Variants in SDK1 observed in about 807,000 individuals in gnomAD.
SDK1 encodes protein sidekick-1.
SDK1 carries 157 observed loss-of-function variants against 245.5 expected under a neutral mutation model. The observed-to-expected ratio is 0.64, with a 90% CI of 0.56 to 0.73. The LOEUF is 0.73. Ranked by LOEUF, SDK1 falls within the 30% of genes least tolerant of loss-of-function variation. The pLI is 0.00. For synonymous variants in SDK1, 1,647 were observed against 1,278.5 expected (o/e 1.29, Z -6.15); for missense variants, 3,583 against 3,002.3 (o/e 1.19, Z -4.52).
At chr7:3,786,471 G>T (rs183201783) in intron 4 of SDK1, among the ~76,000 whole-genome samples, 1 of 152,110 alleles carries the variant, frequency 6.6e-6, no homozygotes, top group Non-Finnish European at 1.5e-5. Flanking sequence ...CCTAGCAACG[G>T]TCATACATTG....
At chr7:4,140,036 A>G (rs1301534117) in intron 28 of SDK1, among the ~76,000 whole-genome samples, 1 of 152,060 alleles carries the variant, frequency 6.6e-6, no homozygotes, top group Non-Finnish European at 1.5e-5. Context: ...TGCCAGGCCC[A>G]CACTCTGGAA....
chr7:4,261,036 C>G (rs1562490670), intron 44 of SDK1, among the ~76,000 whole-genome samples: 1 of 152,166 alleles, frequency 6.6e-6, no homozygotes, highest in East Asian at 1.9e-4. Flanking sequence ...AAATCTGTGA[C>G]TCGCTGTTAG....
chr7:3,533,435 A>G (rs1199350236), intron 1 of SDK1, among the ~76,000 whole-genome samples: 1 of 152,218 alleles, frequency 6.6e-6, no homozygotes, highest in Non-Finnish European at 1.5e-5. Context: ...TTATTCTGAT[A>G]GTGCCACCAA....
At chr7:3,463,465 A>G (rs1351065540) in intron 1 of SDK1, among the ~76,000 whole-genome samples, 1 of 152,154 alleles carries the variant, frequency 6.6e-6, no homozygotes, top group Non-Finnish European at 1.5e-5. Context: ...CAGTTTTGCT[A>G]AAAGCCTTGC....
intron 5 of SDK1, among the ~76,000 whole-genome samples, chr7:3,823,020 TC>T (rs1779684207): frequency 6.6e-6 from 1 of 152,100 alleles, no homozygotes; most frequent in East Asian, 1.9e-4. Flanking sequence ...TGAATCTCGC[TC>T]TGCAGAACGT....
chr7:3,537,207 G>C (rs564792671), intron 1 of SDK1, among the ~76,000 whole-genome samples: 111 of 152,268 alleles, frequency 7.3e-4, no homozygotes, highest in African/African-American at 2.6e-3. Flanking sequence ...TTGGAACATT[G>C]AATAAATGGA....
intron 5 of SDK1, among the ~76,000 whole-genome samples, chr7:3,913,189 C>T (rs955915656): frequency 2.6e-5 from 4 of 152,194 alleles, no homozygotes; most frequent in Admixed American, 1.3e-4. Flanking sequence ...ATGCCTCCAG[C>T]TCCTGGCTCG....
intron 4 of SDK1, among the ~76,000 whole-genome samples, chr7:3,746,558 A>G (rs924972076): frequency 6.6e-6 from 1 of 152,250 alleles, no homozygotes; most frequent in Non-Finnish European, 1.5e-5. Context: ...AACTAAGAGT[A>G]TGTAATGTTC....
In SDK1 at chr7:4,149,259, C is replaced by T; in HGVS notation, c.4424-3C>T. The T allele has an allele frequency of 5.3e-6, 8 of 1,511,978 alleles. No individual in the cohort carries two copies. Among genetic ancestry groups the T allele is most frequent in the East Asian group, 2.5e-5 (1 of 40,804 alleles). 93.7% of individuals were successfully genotyped at this position (1,511,978 alleles called of 1,614,324 possible). The stretch of plus-strand genomic sequence containing the variant: ...TCCCTGGTCTGTCCTCATTTGGTTG[C>T]AGAGCGGCCGGCACCCCCCAGAGAG... On this transcript the variant is annotated splice_polypyrimidine_tract_variant and splice_region_variant and intron_variant, in intron 29 of 44. Transcript: ENST00000404826.
chr7:4,125,647 G>T (rs1379564492), intron 25 of SDK1, among the ~76,000 whole-genome samples: 1 of 152,208 alleles, frequency 6.6e-6, no homozygotes, highest in African/African-American at 2.4e-5. Flanking sequence ...GCTTGTGAAG[G>T]AGAAGGAAAC....
chr7:3,612,014 G>C (rs187695082), intron 1 of SDK1, among the ~76,000 whole-genome samples: 4 of 152,094 alleles, frequency 2.6e-5, no homozygotes, highest in African/African-American at 9.7e-5. Flanking sequence ...ACCAAACATT[G>C]TATCTTCTCA....
intron 1 of SDK1, among the ~76,000 whole-genome samples, chr7:3,386,749 C>G (rs1002676377): frequency 6.6e-6 from 1 of 152,196 alleles, no homozygotes; most frequent in Non-Finnish European, 1.5e-5. Flanking sequence ...GTCCCGGGGA[C>G]TTGACTTCTT....
intron 1 of SDK1, among the ~76,000 whole-genome samples, chr7:3,589,208 C>G (rs946793905): frequency 6.6e-6 from 1 of 152,178 alleles, no homozygotes; most frequent in East Asian, 1.9e-4. Context: ...TGGTACTGAT[C>G]TCACAGTTGG....
intron 30 of SDK1, among the ~76,000 whole-genome samples, chr7:4,156,231 G>A (rs1445504218): frequency 1.3e-5 from 2 of 152,172 alleles, no homozygotes; most frequent in East Asian, 1.9e-4. Context: ...TATGGTGGGT[G>A]GCGCAGGGGG....
At chr7:3,957,200 G>T (rs1028528872) in intron 7 of SDK1, among the ~76,000 whole-genome samples, 17 of 152,194 alleles carry the variant, frequency 1.1e-4, no homozygotes, top group African/African-American at 3.9e-4. Context: ...GTCATGGAAG[G>T]CAACACCCTT....
intron 1 of SDK1, among the ~76,000 whole-genome samples, chr7:3,583,851 G>A (rs1309052177): frequency 6.6e-6 from 1 of 152,100 alleles, no homozygotes; most frequent in African/African-American, 2.4e-5. Context: ...GGCATTTCAA[G>A]TGGAGGGAAC....
chr7:4,199,943 A>G (rs534485361), intron 35 of SDK1, among the ~76,000 whole-genome samples: 2 of 152,256 alleles, frequency 1.3e-5, no homozygotes, highest in East Asian at 1.9e-4. Flanking sequence ...AAAAATACAA[A>G]AATTAGCCGG....
intron 32 of SDK1, among the ~76,000 whole-genome samples, chr7:4,167,248 G>C (rs1781554052): frequency 6.6e-6 from 1 of 152,032 alleles, no homozygotes; most frequent in Non-Finnish European, 1.5e-5. Context: ...AAATTAGCCG[G>C]GCGTGGTGGC....
chr7:3,424,695 G>A (rs1451796036), intron 1 of SDK1, among the ~76,000 whole-genome samples: 2 of 152,036 alleles, frequency 1.3e-5, no homozygotes, highest in African/African-American at 2.4e-5. Flanking sequence ...CCGGGAGTTC[G>A]AGACCAGCCT....
Sources: allele counts gnomAD v4.1 joint callset (sites outside exome capture counted in the v4.1 genomes callset), GRCh38; gene constraint gnomAD v4.1.1; transcripts MANE v1.5; gene names NCBI Gene and HGNC (gene_info 2026-07-23, HGNC 2026-07-21).